The following PCDH10 variants were observed in gnomAD, a reference collection of about 807,000 sequenced individuals.
PCDH10 encodes the protein protocadherin 10.
In PCDH10, 15 loss-of-function variants were observed where a neutral mutation model predicts 74.4. The ratio of observed to expected loss-of-function variants is 0.20; its 90% confidence interval spans 0.13 to 0.31. The LOEUF (loss-of-function observed/expected upper bound fraction) is 0.31. Among genes scored for constraint, PCDH10 ranks in the 10% least tolerant of loss-of-function variants. The pLI is 1.00. For synonymous variants in PCDH10, 619 were observed against 589.8 expected (o/e 1.05, Z -0.72); for missense variants, 1,260 against 1,390.2 (o/e 0.91, Z 1.49).
In PCDH10 at chr4:133,151,039, T is replaced by C; in HGVS notation, c.899T>C (p.Leu300Pro). 6.2e-7 allele frequency: 1 copy of C among 1,613,818 alleles called. No individual in the cohort carries two copies. The highest frequency in any genetic ancestry group is 2.2e-5 in the East Asian group (1 of 44,852). Residue 300 changes from leucine to proline, a missense_variant, in exon 1 of 5, where the codon CTT (leucine) becomes CCT (proline). Transcript: ENST00000264360. Reference sequence around the variant, plus strand: ...CACATTTCGCCCCGGGCGCGGGAGCTTTTCGGACTCTCGCCGCGCACTGGC... The same window carrying C: ...CACATTTCGCCCCGGGCGCGGGAGCCTTTCGGACTCTCGCCGCGCACTGGC... Reference protein sequence around the residue: ...SSHISPRARELFGLSPRTGRL... With the variant: ...SSHISPRAREPFGLSPRTGRL...
At chr4:133,165,600 A>C (rs2125864403) in intron 4 of PCDH10, among the ~76,000 whole-genome samples, 1 of 151,696 alleles carries the variant, frequency 6.6e-6, no homozygotes, top group East Asian at 2.0e-4. Flanking sequence ...TTTTAATCAG[A>C]ATGTTTGAAT....
chr4:133,175,250 AT>A (rs940418113), intron 4 of PCDH10, among the ~76,000 whole-genome samples: 1 of 152,028 alleles, frequency 6.6e-6, no homozygotes, highest in East Asian at 1.9e-4. Context: ...TGGCCCTATT[AT>A]TTTTAGTAGT....
intron 4 of PCDH10, 62 bp downstream of exon 4, chr4:133,163,344 C>A: frequency 7.1e-7 from 1 of 1,400,260 alleles, no homozygotes; most frequent in Non-Finnish European, 9.6e-7. Flanking sequence ...GTTCAACATT[C>A]CACTCTTTTT....
At chr4:133,204,156 C>G in intron 2 of PCDH10, among the ~76,000 whole-genome samples, 1 of 152,158 alleles carries the variant, frequency 6.6e-6, no homozygotes, top group Non-Finnish European at 1.5e-5. Context: ...ATGAGGGAAA[C>G]AGTTACACAG....
downstream of PCDH10, among the ~76,000 whole-genome samples, chr4:133,195,961 A>G (rs1433910932): frequency 6.6e-6 from 1 of 152,304 alleles, no homozygotes; most frequent in Non-Finnish European, 1.5e-5. Flanking sequence ...CTGTGGAAAC[A>G]GGGAAGATAT....
At chr4:133,198,521 C>T (rs977824260), downstream of PCDH10, among the ~76,000 whole-genome samples, 8 of 152,132 alleles carry the variant, frequency 5.3e-5, no homozygotes, top group Admixed American at 4.6e-4. Flanking sequence ...TGAATGCCTC[C>T]ATAGATGCTT....
Position 133,193,012 on chromosome 4 carries a change from T to A in PCDH10, c.*2852T>A, listed in dbSNP as rs548224396. 8.7e-6 allele frequency: 1 copy of A among 115,298 alleles called. No individual in the cohort carries two copies. The highest frequency in any genetic ancestry group is 2.4e-4 in the South Asian group (1 of 4,210). The allele number at this position is 115,298 out of a possible 1,614,324, so 7.1% of individuals were successfully genotyped here. A position where few individuals can be genotyped will look rare whatever the true frequency, so the allele number is the denominator to read the frequency against. On this transcript the variant is annotated 3_prime_UTR_variant, in exon 5 of 5. Coordinates refer to ENST00000264360, the MANE Select transcript of PCDH10 (RefSeq NM_032961.3). ...TATTAGACAGTATTTCGTCAATAAA[T>A]TATTTCAGAAAAAAAAATCATGTCA... is the stretch of plus-strand genomic sequence containing the variant.
intron 2 of PCDH10, among the ~76,000 whole-genome samples, chr4:133,201,673 A>G (rs958580648): frequency 6.6e-6 from 1 of 152,004 alleles, no homozygotes; most frequent in Non-Finnish European, 1.5e-5. Context: ...CCTGACCAAC[A>G]CAGAGAAACC....
At chr4:133,200,019 C>G (rs1308318023) in intron 2 of PCDH10, among the ~76,000 whole-genome samples, 2 of 151,200 alleles carry the variant, frequency 1.3e-5, no homozygotes, top group African/African-American at 4.8e-5. Context: ...AGGATGGTCT[C>G]GATCTCCTGA....
At chr4:133,202,267 A>C (rs1727921567) in intron 2 of PCDH10, among the ~76,000 whole-genome samples, 1 of 152,158 alleles carries the variant, frequency 6.6e-6, no homozygotes, top group Non-Finnish European at 1.5e-5. Context: ...GATTTAAACT[A>C]ATCTATACCT....
At chr4:133,155,801 T>C (rs1276450604) in intron 3 of PCDH10, among the ~76,000 whole-genome samples, 1 of 152,180 alleles carries the variant, frequency 6.6e-6, no homozygotes, top group East Asian at 1.9e-4. Flanking sequence ...TGGTAACTCT[T>C]ATTACTAATA....
rs1560716809 is a variant in PCDH10 at position 133,192,782 on chromosome 4, AT to A, written c.*2624del. 1 of 151,614 alleles carries A rather than the reference AT, an allele frequency of 6.6e-6. No homozygotes were observed. The highest frequency in any genetic ancestry group is 1.5e-5 in the Non-Finnish European group (1 of 67,638). 9.4% of individuals were successfully genotyped at this position (151,614 alleles called of 1,614,324 possible). On this transcript the variant is annotated 3_prime_UTR_variant, in exon 5 of 5. Transcript: ENST00000264360. ...GAAGTTACAACAGAGTAAGGATATG[AT>A]TCTTGTAAGTTGGTTAAAATGTTTT...
chr4:133,203,138 A>G (rs993231761), intron 2 of PCDH10, among the ~76,000 whole-genome samples: 2 of 152,162 alleles, frequency 1.3e-5, no homozygotes, highest in Non-Finnish European at 2.9e-5. Flanking sequence ...TATGTGGCCA[A>G]AAATTGCCAC....
At chr4:133,186,503 A>G (rs1727544188) in intron 4 of PCDH10, among the ~76,000 whole-genome samples, 1 of 152,168 alleles carries the variant, frequency 6.6e-6, no homozygotes, top group African/African-American at 2.4e-5. Flanking sequence ...TACATAGAAT[A>G]TATTAGAAAG....
downstream of PCDH10, among the ~76,000 whole-genome samples, chr4:133,197,573 A>G (rs1010538467): frequency 2.6e-5 from 4 of 152,194 alleles, no homozygotes; most frequent in African/African-American, 9.7e-5. Context: ...AAGTATTCAT[A>G]TTGTGAAGGG....
intron 4 of PCDH10, among the ~76,000 whole-genome samples, chr4:133,166,339 A>C (rs1727080544): frequency 6.6e-6 from 1 of 151,614 alleles, no homozygotes; most frequent in African/African-American, 2.4e-5. Flanking sequence ...AAAATTAATA[A>C]TTGCCTACAG....
At chr4:133,179,511 T>A (rs909264907) in intron 4 of PCDH10, among the ~76,000 whole-genome samples, 1 of 152,174 alleles carries the variant, frequency 6.6e-6, no homozygotes, top group African/African-American at 2.4e-5. Flanking sequence ...ATACATTCTG[T>A]TCTTCTGACA....
intron 4 of PCDH10, among the ~76,000 whole-genome samples, chr4:133,188,154 G>A (rs1024002169): frequency 5.3e-5 from 8 of 152,082 alleles, no homozygotes; most frequent in African/African-American, 1.9e-4. Flanking sequence ...ATTTGTCGGT[G>A]ACAATATTTT....
In PCDH10 at chr4:133,187,574, C is replaced by T. The variant is rs72942294; in HGVS notation, c.3104-2567C>T. ...AGTTCAGATCTTATATTTGTCCTAT[C>T]CAAATCTGCATTACTGAATTAACAC... On this transcript the variant is annotated intron_variant, in intron 4 of 4. Transcript: ENST00000264360. Among the ~76,000 whole-genome samples the T allele has an allele frequency of 2.5e-3, 381 of 152,070 alleles. 1 individual carries two copies. Among genetic ancestry groups the T allele is most frequent in the Middle Eastern group, 0.01 (3 of 294 alleles).
Sources: allele counts gnomAD v4.1 joint callset (sites outside exome capture counted in the v4.1 genomes callset), GRCh38; gene constraint gnomAD v4.1.1; transcripts MANE v1.5; gene names NCBI Gene and HGNC (gene_info 2026-07-23, HGNC 2026-07-21).